Variants in SLX4IP observed in about 807,000 individuals in gnomAD.
The protein encoded by SLX4IP is SLX4 interacting protein.
A neutral mutation model predicts 32.9 loss-of-function variants in SLX4IP; 34 were observed. The ratio of observed to expected loss-of-function variants is 1.03; its 90% CI spans 0.79 to 1.38. The LOEUF (loss-of-function observed/expected upper bound fraction) is 1.38, where lower values mean the gene tolerates loss of function less well. SLX4IP is among the 40% of genes most tolerant of loss of function. The pLI is 0.00. For synonymous variants in SLX4IP, 172 were observed against 171.7 expected (o/e 1.00, Z -0.01); for missense variants, 444 against 479.0 (o/e 0.93, Z 0.68).
At chr20:10,611,888 G>A (rs188221168) in intron 6 of SLX4IP, among the ~76,000 whole-genome samples, 2 of 152,290 alleles carry the variant, frequency 1.3e-5, no homozygotes, top group African/African-American at 4.8e-5. Context: ...CTTTCTATAA[G>A]TCCATATCTA....
chr20:10,545,089 G>A (rs2066148991), intron 2 of SLX4IP, among the ~76,000 whole-genome samples: 1 of 152,128 alleles, frequency 6.6e-6, no homozygotes, highest in Non-Finnish European at 1.5e-5. Context: ...AGGAGATGCT[G>A]TGGCTGCTGG....
At chr20:10,475,918 C>T (rs1282695957) in intron 2 of SLX4IP, among the ~76,000 whole-genome samples, 2 of 152,180 alleles carry the variant, frequency 1.3e-5, no homozygotes, top group African/African-American at 4.8e-5. Flanking sequence ...TTTTGGCAGT[C>T]TCATAGACAG....
intron 6 of SLX4IP, among the ~76,000 whole-genome samples, chr20:10,604,041 A>G (rs928443394): frequency 2.6e-5 from 4 of 152,304 alleles, no homozygotes; most frequent in East Asian, 1.9e-4. Context: ...TCCATACTTC[A>G]AATGCCCACA....
intron 2 of SLX4IP, among the ~76,000 whole-genome samples, chr20:10,487,703 C>T (rs2065586958): frequency 6.6e-6 from 1 of 152,140 alleles, no homozygotes; most frequent in South Asian, 2.1e-4. Flanking sequence ...CTTTTCCAGG[C>T]ATGCTGAGAT....
At chr20:10,495,813 T>G (rs2065662353) in intron 2 of SLX4IP, among the ~76,000 whole-genome samples, 2 of 151,796 alleles carry the variant, frequency 1.3e-5, no homozygotes, top group Non-Finnish European at 1.5e-5. Context: ...TTCTTTTGGT[T>G]AAAATTTGTA....
At chr20:10,562,004 G>A (rs947303393) in intron 4 of SLX4IP, among the ~76,000 whole-genome samples, 2 of 152,178 alleles carry the variant, frequency 1.3e-5, no homozygotes, top group Admixed American at 6.5e-5. Context: ...CAACCCTTAG[G>A]GGAACATACA....
intron 4 of SLX4IP, among the ~76,000 whole-genome samples, chr20:10,581,290 G>GTGA: frequency 6.6e-6 from 1 of 152,084 alleles, no homozygotes; most frequent in Non-Finnish European, 1.5e-5. Context: ...CTGAAAAGTA[G>GTGA]TGATATTTGG....
At chr20:10,569,841 C>A (rs1172534605) in intron 4 of SLX4IP, among the ~76,000 whole-genome samples, 1 of 152,134 alleles carries the variant, frequency 6.6e-6, no homozygotes, top group Non-Finnish European at 1.5e-5. Context: ...ATGAGGATGC[C>A]AGTTACATTG....
At chr20:10,480,155 G>A (rs1313443599) in intron 2 of SLX4IP, among the ~76,000 whole-genome samples, 1 of 152,186 alleles carries the variant, frequency 6.6e-6, no homozygotes, top group Non-Finnish European at 1.5e-5. Flanking sequence ...GCATTTGGGG[G>A]GCTGAGGTGG....
intron 2 of SLX4IP, among the ~76,000 whole-genome samples, chr20:10,494,768 C>T (rs1160504907): frequency 6.6e-6 from 1 of 152,080 alleles, no homozygotes; most frequent in African/African-American, 2.4e-5. Flanking sequence ...GTCTCCTCCT[C>T]TTTCTTTAGT....
intron 2 of SLX4IP, among the ~76,000 whole-genome samples, chr20:10,531,888 G>T (rs2065992263): frequency 6.6e-6 from 1 of 152,210 alleles, no homozygotes; most frequent in African/African-American, 2.4e-5. Flanking sequence ...AAGTTTTACA[G>T]TCTTTTCCCT....
At chr20:10,608,151 A>G (rs575952960) in intron 6 of SLX4IP, among the ~76,000 whole-genome samples, 2 of 152,272 alleles carry the variant, frequency 1.3e-5, no homozygotes, top group Admixed American at 1.3e-4. Context: ...GATTAGGAAA[A>G]ACGTGGTGGG....
intron 1 of SLX4IP, among the ~76,000 whole-genome samples, chr20:10,457,408 G>C (rs1349558613): frequency 6.9e-6 from 1 of 144,802 alleles, no homozygotes; most frequent in African/African-American, 2.5e-5. Context: ...TATTGTGTTG[G>C]CTTTTTTTTG....
At chr20:10,513,468 T>C (rs2065826965) in intron 2 of SLX4IP, among the ~76,000 whole-genome samples, 2 of 152,158 alleles carry the variant, frequency 1.3e-5, no homozygotes, top group Admixed American at 6.5e-5. Flanking sequence ...AAGACATACC[T>C]CTCATCCTAT....
intron 1 of SLX4IP, among the ~76,000 whole-genome samples, chr20:10,441,267 C>T (rs2065157596): frequency 6.6e-6 from 1 of 152,094 alleles, no homozygotes; most frequent in South Asian, 2.1e-4. Flanking sequence ...GAAACCTCAT[C>T]TCTACAAAAA....
intron 6 of SLX4IP, among the ~76,000 whole-genome samples, chr20:10,616,993 A>AG (rs1194231172): frequency 6.6e-6 from 1 of 152,184 alleles, no homozygotes; most frequent in East Asian, 1.9e-4. Flanking sequence ...GTGTGCCTTT[A>AG]GGGCAGAAGT....
chr20:10,507,703 GA>G (rs1407564469), intron 2 of SLX4IP, among the ~76,000 whole-genome samples: 1 of 152,056 alleles, frequency 6.6e-6, no homozygotes, highest in African/African-American at 2.4e-5. Context: ...TCCTGGGACA[GA>G]AGCCTATTAT....
intron 2 of SLX4IP, among the ~76,000 whole-genome samples, chr20:10,511,911 C>T (rs1388185889): frequency 6.6e-6 from 1 of 152,202 alleles, no homozygotes; most frequent in Non-Finnish European, 1.5e-5. Context: ...GAAATTGTTG[C>T]ATAGTAAAAA....
At chr20:10,545,212 G>A (rs1390419868) in intron 2 of SLX4IP, among the ~76,000 whole-genome samples, 1 of 152,148 alleles carries the variant, frequency 6.6e-6, no homozygotes, top group Non-Finnish European at 1.5e-5. Context: ...AACTAGCAGA[G>A]CCAGGATGGT....
Sources: gnomAD v4.1 joint callset for allele counts (sites outside exome capture counted in the v4.1 genomes callset) on GRCh38, gnomAD v4.1.1 for gene constraint, MANE v1.5 for transcripts, NCBI Gene and HGNC (gene_info 2026-07-23, HGNC 2026-07-21) for gene names.